CA10: variants seen among roughly 807,000 people sequenced by gnomAD.
CA10 encodes carbonic anhydrase 10 (inactive), also known as carbonic anhydrase-related protein 10.
In CA10, 14 loss-of-function variants were observed where a neutral mutation model predicts 44.2. The ratio of observed to expected loss-of-function variants is 0.32; its 90% CI spans 0.21 to 0.50. The LOEUF (loss-of-function observed/expected upper bound fraction) is 0.50. CA10 is among the 20% of genes least tolerant of loss of function. The probability of loss-of-function intolerance (pLI) is 0.99; values close to 1 mark genes in which losing one functional copy is unlikely to be tolerated. For synonymous variants in CA10, 159 were observed against 141.6 expected, an observed-to-expected ratio of 1.12 and a Z score of -0.87; for missense variants, 350 against 409.7, an observed-to-expected ratio of 0.85 and a Z score of 1.26.
At chr17:51,733,186 T>C (rs1254256383) in intron 4 of CA10, among the ~76,000 whole-genome samples, 4 of 152,204 alleles carry the variant, frequency 2.6e-5, no homozygotes, top group Non-Finnish European at 5.9e-5. Context: ...GGCTTAGTTA[T>C]ATGAATTTTT....
intron 1 of CA10, among the ~76,000 whole-genome samples, chr17:52,092,774 A>G (rs1988301439): frequency 6.6e-6 from 1 of 152,102 alleles, no homozygotes; most frequent in Non-Finnish European, 1.5e-5. Context: ...CTCAGTCCTT[A>G]CTGTACTTGC....
chr17:52,104,768 G>A (rs948087232), intron 1 of CA10, among the ~76,000 whole-genome samples: 13 of 152,188 alleles, frequency 8.5e-5, no homozygotes, highest in African/African-American at 2.7e-4. Flanking sequence ...CTGACTCCTT[G>A]AATTGTGGGC....
chr17:51,700,945 G>C (rs1915579298), intron 4 of CA10, among the ~76,000 whole-genome samples: 2 of 152,102 alleles, frequency 1.3e-5, no homozygotes, highest in Admixed American at 6.6e-5. Flanking sequence ...CAGGGAGGGA[G>C]AGCATCAGGA....
chr17:52,156,567 T>C (rs1482705622), intron 1 of CA10, among the ~76,000 whole-genome samples: 2 of 152,194 alleles, frequency 1.3e-5, no homozygotes, highest in Non-Finnish European at 2.9e-5. Flanking sequence ...TAGGGTTGTT[T>C]TCTCCTATCC....
intron 2 of CA10, among the ~76,000 whole-genome samples, chr17:51,935,972 G>T (rs1253777862): frequency 1.3e-5 from 2 of 152,144 alleles, no homozygotes; most frequent in African/African-American, 4.8e-5. Flanking sequence ...GTGCTTTTAG[G>T]CATCTTCCTT....
At chr17:52,061,303 G>A (rs1419588895) in intron 2 of CA10, among the ~76,000 whole-genome samples, 8 of 152,248 alleles carry the variant, frequency 5.3e-5, no homozygotes, top group Middle Eastern at 3.4e-3. Context: ...GCCATGCAAG[G>A]AAGGGACCCT....
intron 2 of CA10, among the ~76,000 whole-genome samples, chr17:52,057,815 A>G (rs971082026): frequency 6.6e-6 from 1 of 152,094 alleles, no homozygotes; most frequent in African/African-American, 2.4e-5. Context: ...AATTCTCTCC[A>G]GACAATGCAC....
At chr17:51,969,832 TAACA>T (rs919772428) in intron 2 of CA10, among the ~76,000 whole-genome samples, 2 of 151,982 alleles carry the variant, frequency 1.3e-5, no homozygotes, top group African/African-American at 4.8e-5. Context: ...CAAACAGTAC[TAACA>T]AAGAAACGGA....
intron 2 of CA10, among the ~76,000 whole-genome samples, chr17:51,952,911 C>T (rs955413025): frequency 6.6e-6 from 1 of 152,104 alleles, no homozygotes; most frequent in African/African-American, 2.4e-5. Context: ...ACTTATGTGA[C>T]ATATCTACAG....
chr17:51,709,200 C>T (rs550209128), intron 4 of CA10, among the ~76,000 whole-genome samples: 6 of 152,316 alleles, frequency 3.9e-5, no homozygotes, highest in Non-Finnish European at 5.9e-5. Context: ...TACTATGTAT[C>T]GGGCAGATGT....
chr17:51,828,311 C>G (rs1013606893), intron 3 of CA10, among the ~76,000 whole-genome samples: 1 of 152,162 alleles, frequency 6.6e-6, no homozygotes, highest in Non-Finnish European at 1.5e-5. Context: ...TCTCTGAAGT[C>G]TCCCACATGT....
intron 6 of CA10, among the ~76,000 whole-genome samples, chr17:51,636,773 TTTTGTGTGTGTGTG>T (rs1432913546): frequency 8.7e-5 from 4 of 45,780 alleles, no homozygotes; most frequent in South Asian, 1.8e-3. Flanking sequence ...CAACTGATTA[TTTTGTGTGTGTGTG>T]TGTGTGTGTG....
At chr17:51,641,950 C>A (rs570776052) in intron 6 of CA10, among the ~76,000 whole-genome samples, 126 of 152,200 alleles carry the variant, frequency 8.3e-4, no homozygotes, top group African/African-American at 2.7e-3. Context: ...TTTCAGAGAT[C>A]AATACTGGAC....
intron 1 of CA10, among the ~76,000 whole-genome samples, chr17:52,155,601 G>GAGA (rs1989788048): frequency 1.3e-5 from 2 of 152,186 alleles, no homozygotes; most frequent in Admixed American, 6.5e-5. Flanking sequence ...CCTGACCATG[G>GAGA]AGAAGAAATG....
chr17:51,874,388 TAA>T (rs780808287), intron 3 of CA10, among the ~76,000 whole-genome samples: 138 of 127,476 alleles, frequency 1.1e-3, no homozygotes, highest in Middle Eastern at 4.0e-3. Flanking sequence ...GAGTAATTAT[TAA>T]AAAAAAAAAA....
intron 4 of CA10, among the ~76,000 whole-genome samples, chr17:51,719,669 T>A (rs1916287768): frequency 1.3e-5 from 2 of 152,114 alleles, no homozygotes; most frequent in African/African-American, 4.8e-5. Flanking sequence ...GGAGAATTAC[T>A]TGAGGCCAGG....
Position 51,930,996 on chromosome 17 carries a change from G to GC in CA10, c.272dup (p.Arg92GlnfsTer47), listed in dbSNP as rs1180449128. 1 of 1,613,020 alleles carries GC rather than the reference G, an allele frequency of 6.2e-7. No individual in the cohort carries two copies. Among genetic ancestry groups the GC allele is most frequent in the African/African-American group, 1.3e-5 (1 of 74,782 alleles). On this transcript the variant is annotated frameshift_variant, in exon 3 of 9. Coordinates refer to ENST00000451037, the MANE Select transcript of CA10 (RefSeq NM_020178.5). LOFTEE classifies it high-confidence loss of function. ...AAGCAATATGGTGGCTTACCTTCCT[G>GC]CCCCCCGTGTTGATGCGAAGAGGTG...
chr17:52,064,625 A>C (rs78874750), intron 2 of CA10, among the ~76,000 whole-genome samples: 1,565 of 152,046 alleles, frequency 0.01, 30 homozygotes, highest in African/African-American at 0.036. Context: ...GGTAACTTGT[A>C]GGTGGTTGGG....
chr17:51,806,245 G>C (rs1260670536), intron 3 of CA10, among the ~76,000 whole-genome samples: 2 of 152,172 alleles, frequency 1.3e-5, no homozygotes, highest in Non-Finnish European at 2.9e-5. Flanking sequence ...GAGAAAGAGG[G>C]AAGCAGGAAG....
Sources: allele counts gnomAD v4.1 joint callset (sites outside exome capture counted in the v4.1 genomes callset), GRCh38; gene constraint gnomAD v4.1.1; transcripts MANE v1.5; gene names NCBI Gene and HGNC (gene_info 2026-07-23, HGNC 2026-07-21).